MBLAC2: variants seen among roughly 807,000 people sequenced by gnomAD.
The protein encoded by MBLAC2 is metallo-beta-lactamase domain containing 2, also known as acyl-coenzyme A thioesterase MBLAC2.
MBLAC2 carries 24 observed loss-of-function variants against 23.3 expected under a neutral mutation model. That is an observed-to-expected ratio of 1.03 (90% CI 0.75 to 1.45). The LOEUF (loss-of-function observed/expected upper bound fraction) is 1.45. Ranked by LOEUF, MBLAC2 falls within the 40% of genes most tolerant of loss-of-function variation. MBLAC2 has a pLI of 0.00. For missense variants in MBLAC2, 358 were observed against 370.0 expected, an observed-to-expected ratio of 0.97 and a Z score of 0.27; for synonymous variants, 162 against 150.9, an observed-to-expected ratio of 1.07 and a Z score of -0.54.
intron 1 of MBLAC2, among the ~76,000 whole-genome samples, chr5:90,465,386 T>C (rs1300228211): frequency 6.6e-6 from 1 of 152,198 alleles, no homozygotes; most frequent in Admixed American, 6.5e-5. Context: ...CTATGCTTAC[T>C]GACTGTCTCA....
rs1465046969 is a variant in MBLAC2 at position 90,474,419 on chromosome 5, G to A, written c.-127C>T. The A allele has an allele frequency of 1.2e-6, 1 of 848,940 alleles. No individual in the cohort carries two copies. Among genetic ancestry groups the A allele is most frequent in the East Asian group, 2.7e-5 (1 of 37,690 alleles). The allele number at this position is 848,940 out of a possible 1,614,324, so 52.6% of individuals were successfully genotyped here. On this transcript the variant is annotated 5_prime_UTR_variant, in exon 1 of 2. Transcript: ENST00000316610. ...CAGCCAGGGAGGAGGCGTAGAGCGA[G>A]GCGGGGGCGTGGGATGCGGGGGTCG...
At position 90,459,026 on chromosome 5, in the gene MBLAC2, C is replaced by G. The variant is rs1419185720; in HGVS notation, c.*2141G>C. On this transcript the variant is annotated 3_prime_UTR_variant, in exon 2 of 2. Coordinates refer to ENST00000316610, the MANE Select transcript of MBLAC2 (RefSeq NM_203406.2). ...AATAAAACTTAGTGCCTACTATACCCTGATTTTTTAAAAAAAGGCCTAAAA... is the reference window on the plus strand; with the variant it reads ...AATAAAACTTAGTGCCTACTATACCGTGATTTTTTAAAAAAAGGCCTAAAA... 2.0e-5 allele frequency: 3 copies of G among 152,416 alleles called. No homozygotes were observed. The highest frequency in any genetic ancestry group is 2.9e-5 in the Non-Finnish European group (2 of 67,948). 9.4% of individuals were successfully genotyped at this position (152,416 alleles called of 1,614,324 possible).
In MBLAC2 at chr5:90,460,237, G is replaced by A. The variant is rs1750344771; in HGVS notation, c.*930C>T. 1 of 152,514 alleles carries A rather than the reference G, an allele frequency of 6.6e-6. No individual in the cohort carries two copies. Among genetic ancestry groups the A allele is most frequent in the African/African-American group, 2.4e-5 (1 of 41,446 alleles). The allele number at this position is 152,514 out of a possible 1,614,324, so 9.4% of individuals were successfully genotyped here. On this transcript the variant is annotated 3_prime_UTR_variant, in exon 2 of 2. Coordinates refer to ENST00000316610, the MANE Select transcript of MBLAC2 (RefSeq NM_203406.2). ...CCTCTGTAGTACATATGCATGTTAA[G>A]TAAAAGAATAGCTGCAGATCTTCAT...
At chr5:90,469,527 T>C (rs990178277) in intron 1 of MBLAC2, among the ~76,000 whole-genome samples, 3 of 152,146 alleles carry the variant, frequency 2.0e-5, no homozygotes, top group Non-Finnish European at 4.4e-5. Context: ...TTACTGACTC[T>C]TGGATATCTT....
chr5:90,469,190 T>G (rs187272575), intron 1 of MBLAC2, among the ~76,000 whole-genome samples: 1 of 152,332 alleles, frequency 6.6e-6, no homozygotes, highest in East Asian at 1.9e-4. Context: ...GGTCTTGAAC[T>G]CTTGACCTCA....
At chr5:90,470,833 A>G (rs927680297) in intron 1 of MBLAC2, among the ~76,000 whole-genome samples, 1 of 151,690 alleles carries the variant, frequency 6.6e-6, no homozygotes. Flanking sequence ...CTCAACAGTA[A>G]TTTGGCATCC....
In MBLAC2 at chr5:90,466,020, C is replaced by A. The variant is rs558328027; in HGVS notation, c.455-4468G>T. Among the ~76,000 whole-genome samples the A allele has an allele frequency of 1.6e-3, 249 of 152,116 alleles. 2 individuals are homozygous for A. Among genetic ancestry groups the A allele is most frequent in the African/African-American group, 5.9e-3 (244 of 41,486 alleles). ...TGGAAATGCAAATGACCTAGAATAG[C>A]CAATACAATTATGAAAAAGAGGAAC... On this transcript the variant is annotated intron_variant, in intron 1 of 1. Coordinates refer to ENST00000316610, the MANE Select transcript of MBLAC2 (RefSeq NM_203406.2).
At chr5:90,470,747 A>AGT (rs1183538493) in intron 1 of MBLAC2, among the ~76,000 whole-genome samples, 1 of 143,824 alleles carries the variant, frequency 7.0e-6, no homozygotes. Flanking sequence ...CTAGAAAACT[A>AGT]GCGCGCGCGC....
At chr5:90,461,995 A>G (rs1750375978) in intron 1 of MBLAC2, among the ~76,000 whole-genome samples, 1 of 152,242 alleles carries the variant, frequency 6.6e-6, no homozygotes, top group Admixed American at 6.5e-5. Context: ...CAGCACATCT[A>G]TGGTACCAGT....
In MBLAC2 at chr5:90,474,481, G is replaced by T. The variant is rs1427532579; in HGVS notation, c.-189C>A. On this transcript the variant is annotated 5_prime_UTR_variant, in exon 1 of 2. Transcript: ENST00000316610. ...GGAAGGACGCAGACCGACGCTGCCC[G>T]TAGCGTGCGCTCCCGCACCCTTCCG... 2 of 601,510 alleles carry T rather than the reference G, an allele frequency of 3.3e-6. No individual in the cohort carries two copies. The highest frequency in any genetic ancestry group is 5.8e-6 in the Non-Finnish European group (2 of 342,768). 37.3% of individuals were successfully genotyped at this position (601,510 alleles called of 1,614,324 possible).
chr5:90,473,603 A>G (rs1042535331), intron 1 of MBLAC2: 1 of 663,798 alleles, frequency 1.5e-6, no homozygotes, highest in African/African-American at 1.8e-5. Flanking sequence ...CGGCTTTCAA[A>G]GGAGTACTCA....
chr5:90,461,770 C>G (rs1279523226), intron 1 of MBLAC2, among the ~76,000 whole-genome samples: 1 of 152,210 alleles, frequency 6.6e-6, no homozygotes, highest in East Asian at 1.9e-4. Flanking sequence ...ATGTGGAACA[C>G]TACTTCTACA....
Position 90,474,595 on chromosome 5 carries a change from A to C in MBLAC2, c.-303T>G. The C allele has an allele frequency of 2.4e-6, 1 of 416,822 alleles. No individual in the cohort carries two copies. Among genetic ancestry groups the C allele is most frequent in the Non-Finnish European group, 4.4e-6 (1 of 228,794 alleles). 25.8% of individuals were successfully genotyped at this position (416,822 alleles called of 1,614,324 possible). A position where few individuals can be genotyped will look rare whatever the true frequency, so the allele number is the denominator to read the frequency against. ...GGCAGCCGCACCACGAGAGAGCTTT[A>C]ACGCAGGGGCCACTGCAGCAGAATG... is the stretch of plus-strand genomic sequence containing the variant. On this transcript the variant is annotated 5_prime_UTR_variant, in exon 1 of 2. Coordinates refer to ENST00000316610, the MANE Select transcript of MBLAC2 (RefSeq NM_203406.2).
At chr5:90,461,639 A>C (rs1750371772) in intron 1 of MBLAC2, 87 bp from the exon 2 acceptor site, 1 of 1,245,100 alleles carries the variant, frequency 8.0e-7, no homozygotes, top group South Asian at 1.6e-5. Flanking sequence ...ATGCTTCCAA[A>C]GAAATTGGGA....
At chr5:90,470,356 A>C (rs1750523959) in intron 1 of MBLAC2, among the ~76,000 whole-genome samples, 1 of 152,222 alleles carries the variant, frequency 6.6e-6, no homozygotes, top group South Asian at 2.1e-4. Context: ...TGTTTCTGAC[A>C]CAAAGAAATG....
chr5:90,461,636 CAAAG>C, intron 1 of MBLAC2, 84 bp from the exon 2 acceptor site: 1 of 1,277,666 alleles, frequency 7.8e-7, no homozygotes, highest in Non-Finnish European at 1.1e-6. Context: ...TATATGCTTC[CAAAG>C]AAATTGGGAA....
chr5:90,468,709 T>C (rs1281388160), intron 1 of MBLAC2, among the ~76,000 whole-genome samples: 4 of 151,946 alleles, frequency 2.6e-5, no homozygotes, highest in Non-Finnish European at 2.9e-5. Context: ...TTTAAGAAAA[T>C]TGAAATTGTA....
rs1319905523 is a variant in MBLAC2, at chr5:90,460,257, C to G, written c.*910G>C. 6.6e-6 allele frequency: 1 copy of G among 152,496 alleles called. No homozygotes were observed. Among genetic ancestry groups the G allele is most frequent in the Non-Finnish European group, 1.5e-5 (1 of 67,968 alleles). 9.4% of individuals were successfully genotyped at this position (152,496 alleles called of 1,614,324 possible). On this transcript the variant is annotated 3_prime_UTR_variant, in exon 2 of 2. Coordinates refer to ENST00000316610, the MANE Select transcript of MBLAC2 (RefSeq NM_203406.2). ...GTTAAGTAAAAGAATAGCTGCAGATCTTCATAGTTGTTTTAACGCTGTAAA... is the reference window on the plus strand; with the variant it reads ...GTTAAGTAAAAGAATAGCTGCAGATGTTCATAGTTGTTTTAACGCTGTAAA...
rs2162986 is a variant in MBLAC2 at position 90,473,911 on chromosome 5, T to G, written c.382A>C (p.Thr128Pro). The G allele has an allele frequency of 6.2e-7, 1 of 1,605,454 alleles. No homozygotes were observed. The highest frequency in any genetic ancestry group is 8.5e-7 in the Non-Finnish European group (1 of 1,176,802). Residue 128 changes from threonine (T) to proline (P), a missense_variant, in exon 1 of 2, where the codon ACG becomes CCG. By Grantham distance (38) the Thr-to-Pro change is conservative (BLOSUM62 -1). Coordinates refer to ENST00000316610, the MANE Select transcript of MBLAC2 (RefSeq NM_203406.2). ...TWLSDSEVVR[T>P]PSPGWRARQF... is the part of the protein sequence containing the mutation. ...CTGGCCCTCCAGCCGGGGCTGGGCG[T>G]CCGCACCACCTCGCTATCGGAAAGC...
Sources: allele counts gnomAD v4.1 joint callset (sites outside exome capture counted in the v4.1 genomes callset), GRCh38; gene constraint gnomAD v4.1.1; transcripts MANE v1.5; gene names NCBI Gene and HGNC (gene_info 2026-07-23, HGNC 2026-07-21).